SGCZ: variants seen among roughly 807,000 people sequenced by gnomAD.
SGCZ encodes sarcoglycan zeta.
In SGCZ, 40 loss-of-function variants were observed where a neutral mutation model predicts 41.3. That is an observed-to-expected ratio of 0.97 (90% CI 0.75 to 1.26). SGCZ has a LOEUF of 1.26. Ranked by LOEUF, SGCZ falls within the 50% of genes most tolerant of loss-of-function variation. SGCZ has a pLI of 0.00. For synonymous variants in SGCZ, 206 were observed against 137.5 expected (o/e 1.50, Z -3.49); for missense variants, 552 against 369.8 (o/e 1.49, Z -4.04).
At chr8:14,414,215 C>T (rs953942333) in intron 2 of SGCZ, among the ~76,000 whole-genome samples, 3 of 151,908 alleles carry the variant, frequency 2.0e-5, no homozygotes, top group Non-Finnish European at 4.4e-5. Flanking sequence ...CATACAGACA[C>T]GCACACGCTA....
At position 14,443,542 on chromosome 8, in the gene SGCZ, G is replaced by C. The variant is rs915888360; in HGVS notation, c.234+111190C>G. ...ACTATCTGATCTTTGACAAACCTGA[G>C]AAAAACAAGCAATGGGGAAAGGATT... is the stretch of plus-strand genomic sequence containing the variant. On this transcript the variant is annotated intron_variant, in intron 2 of 7. Transcript: ENST00000382080. Among the ~76,000 whole-genome samples, 114 of 152,168 alleles carry C rather than the reference G, an allele frequency of 7.5e-4. 1 individual carries two copies. Among genetic ancestry groups the C allele is most frequent in the African/African-American group, 2.6e-3 (107 of 41,498 alleles).
At chr8:14,874,561 A>G (rs1804278118) in intron 1 of SGCZ, among the ~76,000 whole-genome samples, 2 of 152,146 alleles carry the variant, frequency 1.3e-5, no homozygotes, top group Admixed American at 6.6e-5. Flanking sequence ...ATTTATATAG[A>G]TAAGTAAAAT....
intron 1 of SGCZ, among the ~76,000 whole-genome samples, chr8:15,172,167 T>TATTTATTTA (rs1445609095): frequency 2.3e-5 from 3 of 132,416 alleles, no homozygotes; most frequent in South Asian, 2.6e-4. Flanking sequence ...TTTTTTTTTT[T>TATTTATTTA]TTTTTTTTTT....
chr8:14,938,013 A>G (rs1010232484), intron 1 of SGCZ, among the ~76,000 whole-genome samples: 2 of 152,304 alleles, frequency 1.3e-5, no homozygotes, highest in African/African-American at 2.4e-5. Context: ...AAATAACTTT[A>G]TGAACATTCA....
At chr8:14,294,295 T>C (rs1305454402) in intron 3 of SGCZ, among the ~76,000 whole-genome samples, 2 of 151,982 alleles carry the variant, frequency 1.3e-5, no homozygotes, top group African/African-American at 4.8e-5. Flanking sequence ...AATATGTCAT[T>C]CTCACCGACA....
At chr8:15,078,298 C>A (rs1805617813) in intron 1 of SGCZ, among the ~76,000 whole-genome samples, 1 of 151,644 alleles carries the variant, frequency 6.6e-6, no homozygotes, top group South Asian at 2.1e-4. Context: ...CAATATTCCC[C>A]TGGTATGATC....
chr8:15,044,613 A>C (rs867287844), intron 1 of SGCZ, among the ~76,000 whole-genome samples: 22 of 152,154 alleles, frequency 1.4e-4, no homozygotes, highest in South Asian at 2.1e-4. Context: ...AAAACTCATA[A>C]TTGTGTTCAA....
chr8:14,191,843 T>C (rs1336077018), intron 4 of SGCZ, among the ~76,000 whole-genome samples: 2 of 152,166 alleles, frequency 1.3e-5, no homozygotes, highest in Non-Finnish European at 2.9e-5. Context: ...ATGATTCTTT[T>C]AGCTAGTAAT....
At chr8:14,450,262 C>A (rs780229264) in intron 2 of SGCZ, among the ~76,000 whole-genome samples, 1 of 152,180 alleles carries the variant, frequency 6.6e-6, no homozygotes, top group Admixed American at 6.5e-5. Flanking sequence ...ATTTCACAAC[C>A]AAGCATCGTG....
At chr8:14,201,891 C>G (rs1407193066) in intron 4 of SGCZ, among the ~76,000 whole-genome samples, 1 of 152,130 alleles carries the variant, frequency 6.6e-6, no homozygotes, top group African/African-American at 2.4e-5. Context: ...ACTGTTAGGT[C>G]TATCTTTTGC....
At chr8:15,025,941 G>A (rs551064936) in intron 1 of SGCZ, among the ~76,000 whole-genome samples, 3 of 152,024 alleles carry the variant, frequency 2.0e-5, no homozygotes, top group Non-Finnish European at 2.9e-5. Context: ...TTTACCTGTT[G>A]TTTCGAACCA....
intron 4 of SGCZ, among the ~76,000 whole-genome samples, chr8:14,188,251 G>C (rs1585213448): frequency 6.6e-6 from 1 of 152,168 alleles, no homozygotes; most frequent in South Asian, 2.1e-4. Context: ...AAAGAACCTA[G>C]TAAAGAGAGT....
At chr8:14,838,010 A>C (rs1038069159) in intron 1 of SGCZ, among the ~76,000 whole-genome samples, 5 of 152,130 alleles carry the variant, frequency 3.3e-5, no homozygotes, top group African/African-American at 1.2e-4. Flanking sequence ...TTCAGCCATA[A>C]AAAAAAGAAC....
chr8:14,531,171 T>C (rs1351315180), intron 2 of SGCZ, among the ~76,000 whole-genome samples: 1 of 151,986 alleles, frequency 6.6e-6, no homozygotes, highest in Non-Finnish European at 1.5e-5. Flanking sequence ...CATACCTCTT[T>C]CTAAATGTTG....
At chr8:14,325,676 A>C (rs1802069891) in intron 2 of SGCZ, among the ~76,000 whole-genome samples, 1 of 142,156 alleles carries the variant, frequency 7.0e-6, no homozygotes, top group South Asian at 2.1e-4. Flanking sequence ...TTTTAATTAT[A>C]GGACAATACA....
intron 2 of SGCZ, among the ~76,000 whole-genome samples, chr8:14,526,943 G>A (rs1327398453): frequency 2.0e-5 from 3 of 152,046 alleles, no homozygotes; most frequent in Admixed American, 1.3e-4. Flanking sequence ...GTTATCTACT[G>A]GGCACGACAA....
At chr8:14,544,558 C>T (rs564045547) in intron 2 of SGCZ, among the ~76,000 whole-genome samples, 7 of 152,096 alleles carry the variant, frequency 4.6e-5, no homozygotes, top group Admixed American at 2.0e-4. Flanking sequence ...GAAAGGAATG[C>T]GTTCCTGGGG....
chr8:15,208,059 C>A (rs996001973), intron 1 of SGCZ, among the ~76,000 whole-genome samples: 6 of 152,114 alleles, frequency 3.9e-5, no homozygotes, highest in Admixed American at 6.5e-5. Flanking sequence ...TATGTGTCTA[C>A]TAAATATTAT....
intron 2 of SGCZ, among the ~76,000 whole-genome samples, chr8:14,509,750 A>G (rs1802414230): frequency 6.6e-6 from 1 of 152,140 alleles, no homozygotes; most frequent in Non-Finnish European, 1.5e-5. Context: ...ATCGACTCAC[A>G]GTTCCTCATG....
Sources: gnomAD v4.1 joint callset for allele counts (sites outside exome capture counted in the v4.1 genomes callset) on GRCh38, gnomAD v4.1.1 for gene constraint, MANE v1.5 for transcripts, NCBI Gene and HGNC (gene_info 2026-07-23, HGNC 2026-07-21) for gene names.